Variants in EEIG2 observed in about 807,000 individuals in gnomAD.
EEIG2 encodes the protein family with sequence similarity 102 member B.
chr1:108,584,564 G>A, the EEIG2 span, among the ~76,000 whole-genome samples: 1 of 152,152 alleles, frequency 6.6e-6, no homozygotes, highest in Non-Finnish European at 1.5e-5. Flanking sequence ...AACGCATTTA[G>A]TGACATTTTA....
chr1:108,581,484 A>G, the EEIG2 span, among the ~76,000 whole-genome samples: 1,310 of 152,324 alleles, frequency 8.6e-3, 54 homozygotes, highest in Admixed American at 0.063. Flanking sequence ...AAGATTTACC[A>G]TTCTAGATGC....
chr1:108,618,147 A>G, the EEIG2 span, among the ~76,000 whole-genome samples: 146,635 of 152,238 alleles, frequency 0.96, 70,837 homozygotes, highest in Non-Finnish European at 1. Context: ...TTTGAGTACC[A>G]ATAGTATTGG....
chr1:108,614,697 AC>A, the EEIG2 span, among the ~76,000 whole-genome samples: 308 of 152,238 alleles, frequency 2.0e-3, no homozygotes, highest in African/African-American at 7.2e-3. Context: ...CAAGAGCTTT[AC>A]CCCTTAGACT....
chr1:108,628,074 C>A, the EEIG2 span: 1 of 1,058,880 alleles, frequency 9.4e-7, no homozygotes, highest in Non-Finnish European at 1.4e-6. Context: ...TGATAATGAA[C>A]TTGGCAGAGT....
chr1:108,623,139 A>G, the EEIG2 span, among the ~76,000 whole-genome samples: 1 of 152,072 alleles, frequency 6.6e-6, no homozygotes, highest in Non-Finnish European at 1.5e-5. Flanking sequence ...AGGAAACCCA[A>G]TGGGATCACT....
the EEIG2 span, among the ~76,000 whole-genome samples, chr1:108,599,306 A>G: frequency 1.3e-5 from 2 of 151,976 alleles, no homozygotes; most frequent in Non-Finnish European, 2.9e-5. Flanking sequence ...TAAATTTTCA[A>G]CTCACCTACC....
At chr1:108,624,497 C>A in the EEIG2 span, 1 of 512,670 alleles carries the variant, frequency 2.0e-6, no homozygotes, top group Non-Finnish European at 3.5e-6. Context: ...GATGCTTATA[C>A]GTTATTTGCT....
the EEIG2 span, chr1:108,637,697 T>A: frequency 1.3e-5 from 2 of 152,136 alleles, no homozygotes; most frequent in Non-Finnish European, 2.9e-5. Flanking sequence ...TCTAATTATA[T>A]CCTAGAGAAA....
the EEIG2 span, among the ~76,000 whole-genome samples, chr1:108,590,043 G>A: frequency 4.4e-3 from 665 of 151,996 alleles, 2 homozygotes; most frequent in African/African-American, 0.015. Context: ...TCCAAATAGG[G>A]AACCCACAGG....
At chr1:108,583,984 A>T in the EEIG2 span, among the ~76,000 whole-genome samples, 1 of 152,070 alleles carries the variant, frequency 6.6e-6, no homozygotes, top group Admixed American at 6.6e-5. Flanking sequence ...AATATGAGAG[A>T]TGCTCTGTTT....
chr1:108,615,646 G>A, the EEIG2 span, among the ~76,000 whole-genome samples: 3 of 152,014 alleles, frequency 2.0e-5, no homozygotes, highest in East Asian at 1.9e-4. Context: ...TTAGCCAGGC[G>A]TAGTGTGCAC....
the EEIG2 span, among the ~76,000 whole-genome samples, chr1:108,631,473 C>T: frequency 1.3e-5 from 2 of 152,010 alleles, no homozygotes; most frequent in African/African-American, 4.8e-5. Flanking sequence ...ATAATAAATA[C>T]TGTAATAGAG....
At chr1:108,560,760 A>T in the EEIG2 span, among the ~76,000 whole-genome samples, 65 of 152,148 alleles carry the variant, frequency 4.3e-4, no homozygotes, top group African/African-American at 1.5e-3. Flanking sequence ...CTGACTCCAG[A>T]TGGTGCCTGG....
the EEIG2 span, among the ~76,000 whole-genome samples, chr1:108,588,559 G>C: frequency 1.2e-4 from 18 of 152,090 alleles, no homozygotes; most frequent in Admixed American, 1.1e-3. Context: ...TATAAAAAGA[G>C]ATGTCATAAT....
At chr1:108,623,951 C>T in the EEIG2 span, among the ~76,000 whole-genome samples, 3 of 151,864 alleles carry the variant, frequency 2.0e-5, no homozygotes, top group East Asian at 1.9e-4. Context: ...AGATTACAGG[C>T]GTGAGCCACT....
chr1:108,560,556 A>C, the EEIG2 span: 1 of 1,610,664 alleles, frequency 6.2e-7, no homozygotes, highest in Non-Finnish European at 8.5e-7. Context: ...TTCACCGCCG[A>C]GTCCTCCAGG....
At chr1:108,628,931 C>A in the EEIG2 span, 2 of 741,712 alleles carry the variant, frequency 2.7e-6, no homozygotes, top group East Asian at 2.9e-5. Context: ...AATTTCATGC[C>A]CATAAAAATA....
At chr1:108,577,053 A>G in the EEIG2 span, among the ~76,000 whole-genome samples, 1 of 144,846 alleles carries the variant, frequency 6.9e-6, no homozygotes, top group Admixed American at 6.9e-5. Flanking sequence ...GCCAGTGATG[A>G]TGAGCATTTT....
the EEIG2 span, among the ~76,000 whole-genome samples, chr1:108,597,535 A>G: frequency 2.0e-5 from 3 of 152,212 alleles, no homozygotes; most frequent in African/African-American, 7.2e-5. Flanking sequence ...ACAGTTTTTG[A>G]TCAATCCTCT....
Sources: gnomAD v4.1 joint callset for allele counts (sites outside exome capture counted in the v4.1 genomes callset) on GRCh38, gnomAD v4.1.1 for gene constraint, MANE v1.5 for transcripts, NCBI Gene and HGNC (gene_info 2026-07-23, HGNC 2026-07-21) for gene names.